The following DCC variants were observed in gnomAD, a reference collection of about 807,000 sequenced individuals.
DCC encodes the protein netrin receptor DCC.
DCC carries 58 observed loss-of-function variants against 172.5 expected under a neutral mutation model. The observed-to-expected ratio is 0.34, with a 90% CI of 0.27 to 0.42. The LOEUF (loss-of-function observed/expected upper bound fraction) is 0.42, where lower values mean the gene tolerates loss of function less well. DCC is among the 10% of genes least tolerant of loss of function. DCC has a pLI of 1.00. For synonymous variants in DCC, 709 were observed against 644.5 expected (o/e 1.10, Z -1.52); for missense variants, 1,740 against 1,791.0 (o/e 0.97, Z 0.51).
At chr18:53,133,087 A>G (rs535035909) in intron 7 of DCC, among the ~76,000 whole-genome samples, 1 of 152,308 alleles carries the variant, frequency 6.6e-6, no homozygotes, top group Admixed American at 6.5e-5. Flanking sequence ...CTAAATTTCT[A>G]CATACTCTAA....
At chr18:52,658,897 T>TCCTC (rs775561134) in intron 1 of DCC, among the ~76,000 whole-genome samples, 55 of 141,194 alleles carry the variant, frequency 3.9e-4, no homozygotes, top group Admixed American at 7.1e-4. Context: ...GTTTTTACCT[T>TCCTC]TGATCCCAAT....
intron 2 of DCC, among the ~76,000 whole-genome samples, chr18:52,843,077 T>C (rs2038832545): frequency 1.3e-5 from 2 of 152,188 alleles, no homozygotes; most frequent in African/African-American, 2.4e-5. Flanking sequence ...TTATAAATGT[T>C]ACAGCCTTTA....
chr18:52,541,208 G>C (rs2032437066), intron 1 of DCC, among the ~76,000 whole-genome samples: 1 of 152,146 alleles, frequency 6.6e-6, no homozygotes, highest in Admixed American at 6.5e-5. Context: ...TTCTAGTGCA[G>C]TGTTCCTCTT....
At chr18:52,574,043 T>C (rs1458215341) in intron 1 of DCC, among the ~76,000 whole-genome samples, 1 of 152,186 alleles carries the variant, frequency 6.6e-6, no homozygotes, top group Admixed American at 6.5e-5. Flanking sequence ...TCTGTATAAT[T>C]GCCTCCACCT....
chr18:53,124,725 G>A (rs2043530234), intron 7 of DCC, among the ~76,000 whole-genome samples: 1 of 151,982 alleles, frequency 6.6e-6, no homozygotes, highest in Non-Finnish European at 1.5e-5. Flanking sequence ...CAGCACTTTA[G>A]GAAGCTAAGG....
At chr18:53,273,732 C>CTTT (rs35717258) in intron 12 of DCC, among the ~76,000 whole-genome samples, 3 of 145,036 alleles carry the variant, frequency 2.1e-5, no homozygotes, top group African/African-American at 5.1e-5. Context: ...CTTTCTGCTG[C>CTTT]TTTTTTTTTT....
intron 11 of DCC, 57 bp from the exon 12 acceptor site, chr18:53,215,491 G>A: frequency 7.7e-7 from 1 of 1,302,912 alleles, no homozygotes. Context: ...TAGACAGGTG[G>A]TATTTTTCTT....
chr18:53,160,124 A>C (rs1035901018), intron 8 of DCC, among the ~76,000 whole-genome samples: 1 of 152,042 alleles, frequency 6.6e-6, no homozygotes, highest in Non-Finnish European at 1.5e-5. Flanking sequence ...TTATCATACA[A>C]TTTTGTCCTT....
At chr18:53,074,337 C>T (rs1411435687) in intron 7 of DCC, among the ~76,000 whole-genome samples, 1 of 152,176 alleles carries the variant, frequency 6.6e-6, no homozygotes, top group Non-Finnish European at 1.5e-5. Flanking sequence ...TGCTCGTTAA[C>T]ACTACAAAAT....
At chr18:53,189,972 G>T (rs935002269) in intron 9 of DCC, among the ~76,000 whole-genome samples, 1 of 152,104 alleles carries the variant, frequency 6.6e-6, no homozygotes, top group Admixed American at 6.6e-5. Context: ...TGTTGACCAG[G>T]CTGGAGTGCA....
At chr18:53,399,094 A>G (rs1252388157) in intron 18 of DCC, among the ~76,000 whole-genome samples, 2 of 152,086 alleles carry the variant, frequency 1.3e-5, no homozygotes, top group Non-Finnish European at 2.9e-5. Context: ...CAGATAATGA[A>G]TCCTTCATTT....
intron 19 of DCC, among the ~76,000 whole-genome samples, chr18:53,406,242 A>G (rs957537407): frequency 6.6e-6 from 1 of 152,102 alleles, no homozygotes; most frequent in Non-Finnish European, 1.5e-5. Flanking sequence ...CTTTTGTAAA[A>G]TCATCAAACC....
At chr18:52,656,365 C>A (rs2035255169) in intron 1 of DCC, among the ~76,000 whole-genome samples, 1 of 151,994 alleles carries the variant, frequency 6.6e-6, no homozygotes, top group Non-Finnish European at 1.5e-5. Flanking sequence ...TATCTATGAA[C>A]TGGAAAATGG....
chr18:53,424,632 C>G (rs533884632), intron 21 of DCC, among the ~76,000 whole-genome samples: 1 of 120,662 alleles, frequency 8.3e-6, no homozygotes, highest in East Asian at 2.1e-4. Context: ...TCAATGCAAA[C>G]TATTACCGGG....
At chr18:52,953,028 A>AAAAAACC (rs2040682314) in intron 5 of DCC, among the ~76,000 whole-genome samples, 1 of 143,752 alleles carries the variant, frequency 7.0e-6, no homozygotes, top group Non-Finnish European at 1.5e-5. Context: ...AAAAAAAAAA[A>AAAAAACC]CTCATAACAT....
intron 12 of DCC, 125 bp from the exon 13 acceptor site, chr18:53,305,453 A>T: frequency 1.3e-6 from 1 of 753,706 alleles, no homozygotes. Flanking sequence ...TTTGTCTCTA[A>T]GTGGCAATCG....
At chr18:53,358,893 G>T (rs903484393) in intron 15 of DCC, among the ~76,000 whole-genome samples, 4 of 152,126 alleles carry the variant, frequency 2.6e-5, no homozygotes, top group African/African-American at 7.2e-5. Context: ...TTCATGAAAA[G>T]AATAAGTGTG....
At chr18:53,432,092 T>G (rs2145111119) in intron 21 of DCC, among the ~76,000 whole-genome samples, 1 of 152,296 alleles carries the variant, frequency 6.6e-6, no homozygotes, top group South Asian at 2.1e-4. Flanking sequence ...TAAAACATTT[T>G]TATTTGCATG....
At chr18:52,375,599 C>A (rs1007396237) in intron 1 of DCC, among the ~76,000 whole-genome samples, 10 of 152,278 alleles carry the variant, frequency 6.6e-5, no homozygotes, top group African/African-American at 2.4e-4. Flanking sequence ...AGTCTTGAAC[C>A]TTCATTTGAC....
Sources: allele counts gnomAD v4.1 joint callset (sites outside exome capture counted in the v4.1 genomes callset), GRCh38; gene constraint gnomAD v4.1.1; transcripts MANE v1.5; gene names NCBI Gene and HGNC (gene_info 2026-07-23, HGNC 2026-07-21).